The following GABRR1 variants were observed in gnomAD, a reference collection of about 807,000 sequenced individuals.
GABRR1 encodes gamma-aminobutyric acid type A receptor subunit rho1.
A neutral mutation model predicts 55.5 loss-of-function variants in GABRR1; 59 were observed. The observed-to-expected ratio is 1.06, with a 90% CI of 0.86 to 1.32. The LOEUF (loss-of-function observed/expected upper bound fraction) is 1.32. Ranked by LOEUF, GABRR1 falls within the 40% of genes most tolerant of loss-of-function variation. The probability of loss-of-function intolerance (pLI) is 0.00; values close to 1 mark genes in which losing one functional copy is unlikely to be tolerated. For synonymous variants in GABRR1, 213 were observed against 226.0 expected, an observed-to-expected ratio of 0.94 and a Z score of 0.51; for missense variants, 602 against 619.1, an observed-to-expected ratio of 0.97 and a Z score of 0.29.
At chr6:89,226,586 G>A (rs541880203) in intron 1 of GABRR1, among the ~76,000 whole-genome samples, 141 of 142,328 alleles carry the variant, frequency 9.9e-4, no homozygotes, top group African/African-American at 2.6e-3. Flanking sequence ...GGTATGCGGC[G>A]TTATTTCTGA....
chr6:89,195,291 T>A (rs1772227236), intron 5 of GABRR1, among the ~76,000 whole-genome samples: 1 of 152,038 alleles, frequency 6.6e-6, no homozygotes, highest in African/African-American at 2.4e-5. Flanking sequence ...TGAAACCTCA[T>A]TTCTACTAAA....
chr6:89,217,928 T>C (rs938803692), upstream of GABRR1, among the ~76,000 whole-genome samples: 4 of 152,144 alleles, frequency 2.6e-5, no homozygotes, highest in African/African-American at 9.7e-5. Flanking sequence ...TTGTCTTTGT[T>C]TGGCGCAGAA....
At chr6:89,221,360 C>T (rs1197405735), upstream of GABRR1, 1 of 152,192 alleles carries the variant, frequency 6.6e-6, no homozygotes, top group Non-Finnish European at 1.5e-5. Context: ...CCACGTGCTC[C>T]CTGCAGCACA....
chr6:89,226,092 G>A (rs1350922652), intron 1 of GABRR1, among the ~76,000 whole-genome samples: 3 of 152,028 alleles, frequency 2.0e-5, no homozygotes, highest in Non-Finnish European at 4.4e-5. Flanking sequence ...CATGTCCTTC[G>A]CCCAACTTTT....
intron 1 of GABRR1, among the ~76,000 whole-genome samples, chr6:89,208,863 G>C (rs1039601026): frequency 6.6e-6 from 1 of 152,232 alleles, no homozygotes; most frequent in African/African-American, 2.4e-5. Context: ...GCACATCTGA[G>C]GGAGATCTGA....
chr6:89,208,209 G>A (rs1315382255), intron 1 of GABRR1, among the ~76,000 whole-genome samples: 1 of 152,220 alleles, frequency 6.6e-6, no homozygotes, highest in Non-Finnish European at 1.5e-5. Context: ...TTAATTTAAT[G>A]AGCATGTATC....
At chr6:89,203,348 C>T (rs1187538523) in intron 2 of GABRR1, 87 bp downstream of exon 2, 15 of 1,181,328 alleles carry the variant, frequency 1.3e-5, no homozygotes, top group African/African-American at 9.0e-5. Flanking sequence ...GGTGAGGGGT[C>T]GGGGAGGGGC....
chr6:89,231,135 C>A (rs1172894204), intron 1 of GABRR1: 1 of 153,414 alleles, frequency 6.5e-6, no homozygotes, highest in Admixed American at 6.5e-5. Flanking sequence ...GCACGGTGCG[C>A]GCACCCACTG....
chr6:89,198,425 C>T (rs1040042958), intron 4 of GABRR1, among the ~76,000 whole-genome samples, 182 bp from the exon 5 acceptor site: 17 of 116,536 alleles, frequency 1.5e-4, no homozygotes, highest in Non-Finnish European at 2.6e-4. Context: ...GGGCGGGGGG[C>T]GGGGCACAGC....
intron 1 of GABRR1, among the ~76,000 whole-genome samples, chr6:89,223,444 G>T (rs951882696): frequency 6.6e-6 from 1 of 152,106 alleles, no homozygotes; most frequent in Non-Finnish European, 1.5e-5. Flanking sequence ...TTATCCACTC[G>T]TTGATTGTTG....
At chr6:89,206,689 C>G (rs983192427) in intron 1 of GABRR1, among the ~76,000 whole-genome samples, 8 of 151,546 alleles carry the variant, frequency 5.3e-5, no homozygotes, top group African/African-American at 1.9e-4. Context: ...AATTATAGCT[C>G]ACTGCAGCCT....
Position 89,201,933 on chromosome 6 carries a change from A to T in GABRR1, c.174-668T>A, listed in dbSNP as rs535003815. Among the ~76,000 whole-genome samples, 7 of 152,322 alleles carry T rather than the reference A, an allele frequency of 4.6e-5. No individual in the cohort carries two copies. In the South Asian group the frequency reaches 8.3e-4, roughly 18 times the overall value. ...AGCTGGTTCTAGTCTTGTTATTAAT[A>T]GCCCAAATTCCCTTAAAGTGCCTCA... is the stretch of plus-strand genomic sequence containing the variant. On this transcript the variant is annotated intron_variant, in intron 2 of 9. Transcript: ENST00000454853.
In GABRR1 at chr6:89,198,139, C is replaced by T. The variant is rs1317377158; in HGVS notation, c.453G>A (p.Lys151=). ...AAAACATGTCAGGGACCCAGATCTT[C>T]TTGACCAGCCGGCCGTCAAACGTCA... ...LSMTFDGRLV[K]KIWVPDMFFV... Residue 151 remains lysine, a synonymous_variant, in exon 5 of 10, where the codon AAG becomes AAA. Coordinates refer to ENST00000454853, the MANE Select transcript of GABRR1 (RefSeq NM_002042.5). The T allele has an allele frequency of 2.5e-6, 4 of 1,613,994 alleles. No homozygotes were observed. In the African/African-American group the frequency reaches 5.3e-5, roughly 22 times the overall value.
At chr6:89,231,036 C>T (rs1418147038) in intron 1 of GABRR1, among the ~76,000 whole-genome samples, 1 of 151,936 alleles carries the variant, frequency 6.6e-6, no homozygotes, top group African/African-American at 2.4e-5. Context: ...CCAGGTGCGT[C>T]CATCACCCCT....
chr6:89,198,511 T>G (rs1041293754), intron 4 of GABRR1, among the ~76,000 whole-genome samples: 2 of 152,026 alleles, frequency 1.3e-5, no homozygotes, highest in African/African-American at 4.8e-5. Context: ...GCATTCACTC[T>G]ACACTTGAGG....
At chr6:89,214,958 A>G (rs1772941360) in intron 1 of GABRR1, among the ~76,000 whole-genome samples, 1 of 152,184 alleles carries the variant, frequency 6.6e-6, no homozygotes, top group South Asian at 2.1e-4. Context: ...AACCATTACA[A>G]TCCAGTTTAG....
At chr6:89,225,051 G>C (rs886459920) in intron 1 of GABRR1, among the ~76,000 whole-genome samples, 1 of 152,138 alleles carries the variant, frequency 6.6e-6, no homozygotes, top group Non-Finnish European at 1.5e-5. Context: ...AAAGTGCTGG[G>C]ATTATAGGCG....
At position 89,194,720 on chromosome 6, in the gene GABRR1, G is replaced by A. The variant is rs115389448; in HGVS notation, c.572+3300C>T. ...AAAATCAAACAGAAATCCTGGAACT[G>A]AGAAATACATTTGCCGAACTGAAGA... On this transcript the variant is annotated intron_variant, in intron 5 of 9. Coordinates refer to ENST00000454853, the MANE Select transcript of GABRR1 (RefSeq NM_002042.5). 4.3e-3 allele frequency among the ~76,000 whole-genome samples: 652 copies of A among 152,194 alleles called. 3 individuals carry two copies. Among genetic ancestry groups the A allele is most frequent in the African/African-American group, 0.015 (629 of 41,528 alleles).
chr6:89,179,042 G>A lies in GABRR1; in HGVS notation c.1168C>T (p.Pro390Ser), dbSNP rs750943576. The A allele has an allele frequency of 1.2e-6, 2 of 1,613,782 alleles. No homozygotes were observed. Among genetic ancestry groups the A allele is most frequent in the African/African-American group, 2.7e-5 (2 of 74,926 alleles). The change falls in exon 10 of 10, where the codon CCT becomes TCT. Residue 390 changes from proline (P) to serine (S), a missense_variant. This residue lies in a region of GABRR1 where 139 missense variants were observed against 141.1 expected (regional missense o/e 0.99). Transcript: ENST00000454853. ...TCCAGCATCGCAGTGCGGGGCGGAG[G>A]TAATCCGCTGGTGCAGGGAAGCTGC... The part of the protein sequence containing the change: ...REKLPCTSGL[P>S]PPRTAMLDGN...
Sources: gnomAD v4.1 joint callset for allele counts (sites outside exome capture counted in the v4.1 genomes callset) on GRCh38, gnomAD v4.1.1 for gene constraint, gnomAD v4.1.1 regional missense constraint, MANE v1.5 for transcripts, NCBI Gene and HGNC (gene_info 2026-07-23, HGNC 2026-07-21) for gene names.